UNC5C: variants seen among roughly 807,000 people sequenced by gnomAD.
The protein encoded by UNC5C is unc-5 netrin receptor C, also known as netrin receptor UNC5C.
UNC5C carries 47 observed loss-of-function variants against 99.8 expected under a neutral mutation model. That is an observed-to-expected ratio of 0.47 (90% CI 0.37 to 0.60). UNC5C has a LOEUF of 0.60. Ranked by LOEUF, UNC5C falls within the 20% of genes least tolerant of loss-of-function variation. The pLI is 0.00. For missense variants in UNC5C, 1,062 were observed against 1,165.9 expected (o/e 0.91, Z 1.30); for synonymous variants, 487 against 452.2 (o/e 1.08, Z -0.98).
intron 1 of UNC5C, among the ~76,000 whole-genome samples, chr4:95,338,252 A>G (rs1027834472): frequency 6.6e-6 from 1 of 152,082 alleles, no homozygotes; most frequent in Non-Finnish European, 1.5e-5. Context: ...CTTGCTCCAT[A>G]GAAAACTGTC....
chr4:95,328,223 A>T, intron 2 of UNC5C, among the ~76,000 whole-genome samples: 2 of 55,004 alleles, frequency 3.6e-5, no homozygotes, highest in Non-Finnish European at 7.0e-5. Flanking sequence ...CCCTCCCCCG[A>T]CCCCACCACA....
At chr4:95,260,199 A>G (rs1000132009) in intron 4 of UNC5C, among the ~76,000 whole-genome samples, 2 of 152,222 alleles carry the variant, frequency 1.3e-5, no homozygotes, top group African/African-American at 4.8e-5. Context: ...ATTAAAAACT[A>G]TAGATTTTAA....
intron 1 of UNC5C, among the ~76,000 whole-genome samples, chr4:95,414,645 C>T (rs1223877100): frequency 6.6e-6 from 1 of 152,200 alleles, no homozygotes; most frequent in Non-Finnish European, 1.5e-5. Context: ...TTCTCTAACC[C>T]TTAGTCCACA....
At chr4:95,400,167 G>A (rs73838208) in intron 1 of UNC5C, among the ~76,000 whole-genome samples, 27,645 of 152,032 alleles carry the variant, frequency 0.18, 4,553 homozygotes, top group African/African-American at 0.44. Context: ...TGCAGAAGGA[G>A]CCTGTGACTT....
chr4:95,205,117 G>T (rs1002549504), intron 11 of UNC5C, among the ~76,000 whole-genome samples: 3 of 152,094 alleles, frequency 2.0e-5, no homozygotes, highest in Admixed American at 2.0e-4. Flanking sequence ...AAAGAGTAAC[G>T]ATGCCCACGT....
chr4:95,396,554 T>C (rs1203596092), intron 1 of UNC5C, among the ~76,000 whole-genome samples: 1 of 152,078 alleles, frequency 6.6e-6, no homozygotes, highest in Admixed American at 6.5e-5. Flanking sequence ...AAGGACAGTT[T>C]AAAGCCTGAA....
At chr4:95,354,015 A>G (rs985056201) in intron 1 of UNC5C, among the ~76,000 whole-genome samples, 5 of 152,134 alleles carry the variant, frequency 3.3e-5, no homozygotes, top group African/African-American at 4.8e-5. Context: ...GATTGCCCCA[A>G]GCTAGAAATC....
chr4:95,354,332 C>A (rs922225653), intron 1 of UNC5C, among the ~76,000 whole-genome samples: 1 of 151,596 alleles, frequency 6.6e-6, no homozygotes, highest in Non-Finnish European at 1.5e-5. Context: ...ACCACTCCAA[C>A]CTCATCTTTC....
In UNC5C at chr4:95,230,823, T is replaced by C. The variant is rs72881233; in HGVS notation, c.1109-10647A>G. On this transcript the variant is annotated intron_variant, in intron 7 of 15. Transcript: ENST00000453304. Reference sequence around the variant, plus strand: ...ACACATTGGCTCCAGCACTCATCTGTGGATGTTGGGAGGGCTGTTTCAATT... The same window carrying C: ...ACACATTGGCTCCAGCACTCATCTGCGGATGTTGGGAGGGCTGTTTCAATT... 6.2e-3 allele frequency among the ~76,000 whole-genome samples: 948 copies of C among 151,936 alleles called. 8 individuals are homozygous for C. Among genetic ancestry groups the C allele is most frequent in the African/African-American group, 0.022 (906 of 41,426 alleles).
rs903578266 is a variant in UNC5C at position 95,170,095 on chromosome 4, T to TA, written c.2630+58dup. On this transcript the variant is annotated intron_variant, in intron 15 of 15. Transcript: ENST00000453304. ...TGAAGCTAACCCTACGTCTAATAGT[T>TA]ATCGGTCCTGGAGGGCACTAACAGA... 4.5e-6 allele frequency: 7 copies of TA among 1,563,842 alleles called. No homozygotes were observed. The African/African-American group carries it at 6.8e-5, about 15-fold the overall frequency.
intron 1 of UNC5C, among the ~76,000 whole-genome samples, chr4:95,485,099 C>T (rs1239211704): frequency 6.6e-6 from 1 of 151,834 alleles, no homozygotes; most frequent in African/African-American, 2.4e-5. Flanking sequence ...GCCTTTCTTT[C>T]TTTAGTAATG....
chr4:95,468,519 G>A (rs186953186), intron 1 of UNC5C, among the ~76,000 whole-genome samples: 38 of 152,134 alleles, frequency 2.5e-4, no homozygotes, highest in Admixed American at 1.6e-3. Context: ...CATAAATTCC[G>A]TGAAGTCATG....
At chr4:95,448,061 C>T (rs1243783547) in intron 1 of UNC5C, among the ~76,000 whole-genome samples, 1 of 152,084 alleles carries the variant, frequency 6.6e-6, no homozygotes, top group South Asian at 2.1e-4. Context: ...ACACTTGTAA[C>T]GTGCTAACAT....
rs1331052694 is a variant in UNC5C, at chr4:95,163,060, C to G, written c.*6174G>C. The stretch of plus-strand genomic sequence containing the variant: ...ACACATATAACACCATGACATCACA[C>G]ACACACAGTGATGTTCCCTGCAACT... On this transcript the variant is annotated 3_prime_UTR_variant, in exon 16 of 16. Coordinates refer to ENST00000453304, the MANE Select transcript of UNC5C (RefSeq NM_003728.4). The G allele has an allele frequency of 6.6e-6, 1 of 152,202 alleles. No homozygotes were observed. The highest frequency in any genetic ancestry group is 1.5e-5 in the Non-Finnish European group (1 of 68,048). The allele number at this position is 152,202 out of a possible 1,614,324, so 9.4% of individuals were successfully genotyped here.
intron 3 of UNC5C, among the ~76,000 whole-genome samples, chr4:95,291,126 A>G (rs1239751281): frequency 2.6e-5 from 4 of 152,162 alleles, no homozygotes; most frequent in Non-Finnish European, 5.9e-5. Flanking sequence ...TATTTCAGCT[A>G]GCACTCCAAA....
At chr4:95,535,419 T>C (rs901440440) in intron 1 of UNC5C, among the ~76,000 whole-genome samples, 7 of 152,182 alleles carry the variant, frequency 4.6e-5, no homozygotes, top group Non-Finnish European at 8.8e-5. Context: ...AAAATCATTG[T>C]ATAGCATAGA....
Position 95,516,969 on chromosome 4 carries a change from T to C in UNC5C, c.124+31765A>G, listed in dbSNP as rs573957438. On this transcript the variant is annotated intron_variant, in intron 1 of 15. Coordinates refer to ENST00000453304, the MANE Select transcript of UNC5C (RefSeq NM_003728.4). ...GGATAGAGGCTTCCGGGGAGCATGA[T>C]GTCATGCAACAGCACAGACTGGGAA... is the stretch of plus-strand genomic sequence containing the variant. Among the ~76,000 whole-genome samples, 173 of 152,264 alleles carry C rather than the reference T, an allele frequency of 1.1e-3. 1 individual carries two copies. Among genetic ancestry groups the C allele is most frequent in the Non-Finnish European group, 1.7e-3 (114 of 68,024 alleles).
At chr4:95,241,396 A>G (rs988764028) in intron 7 of UNC5C, among the ~76,000 whole-genome samples, 3 of 152,212 alleles carry the variant, frequency 2.0e-5, no homozygotes, top group Admixed American at 6.5e-5. Context: ...TTTAAGTAAG[A>G]TATCTTTCTA....
chr4:95,244,051 CTCCAGT>C (rs2149379178), intron 6 of UNC5C, among the ~76,000 whole-genome samples: 1 of 152,270 alleles, frequency 6.6e-6, no homozygotes, highest in South Asian at 2.1e-4. Context: ...ATGTATATCT[CTCCAGT>C]TCATTTGTCC....
Sources: gnomAD v4.1 joint callset for allele counts (sites outside exome capture counted in the v4.1 genomes callset) on GRCh38, gnomAD v4.1.1 for gene constraint, MANE v1.5 for transcripts, NCBI Gene and HGNC (gene_info 2026-07-23, HGNC 2026-07-21) for gene names.